Variants in PDK3 observed in about 807,000 individuals in gnomAD.
PDK3 encodes pyruvate dehydrogenase kinase 3, also known as pyruvate dehydrogenase kinase, isozyme 3.
PDK3 carries 12 observed loss-of-function variants against 32.0 expected under a neutral mutation model. The observed-to-expected ratio is 0.37, with a 90% CI of 0.24 to 0.61. The LOEUF (loss-of-function observed/expected upper bound fraction) is 0.61. PDK3 is among the 20% of genes least tolerant of loss of function. The probability of loss-of-function intolerance (pLI) is 0.65; values close to 1 mark genes in which losing one functional copy is unlikely to be tolerated. For missense variants in PDK3, 188 were observed against 316.9 expected, an observed-to-expected ratio of 0.59 and a Z score of 3.09; for synonymous variants, 122 against 116.3, an observed-to-expected ratio of 1.05 and a Z score of -0.31.
chrX:24,511,210 C>A (rs1279581042), intron 5 of PDK3, among the ~76,000 whole-genome samples: 1 of 112,363 alleles, frequency 8.9e-6, no homozygotes, highest in Middle Eastern at 4.6e-3. Flanking sequence ...TGGATGTCAG[C>A]CTCTTTTGAC....
chrX:24,473,394 CAAA>C (rs1224937648), intron 1 of PDK3, among the ~76,000 whole-genome samples: 2 of 108,840 alleles, frequency 1.8e-5, no homozygotes, highest in African/African-American at 6.7e-5. Context: ...AACAAACAAA[CAAA>C]AACAAAAAAA....
chrX:24,477,193 G>C (rs1317043827), intron 1 of PDK3, among the ~76,000 whole-genome samples: 3 of 111,938 alleles, frequency 2.7e-5, no homozygotes, highest in Non-Finnish European at 5.6e-5. Context: ...AAGTTTATCT[G>C]TATCAGTTTC....
At chrX:24,544,301 C>T (rs776785600) in exon 12 of PDK3, among the ~76,000 whole-genome samples, 1 of 111,183 alleles carries the variant, frequency 9.0e-6, no homozygotes, top group Non-Finnish European at 1.9e-5. Flanking sequence ...CACTAGTCGT[C>T]ATCCTAGCAG....
chrX:24,521,347 TATA>T (rs1451342487), intron 6 of PDK3, among the ~76,000 whole-genome samples: 1 of 109,187 alleles, frequency 9.2e-6, no homozygotes, highest in Non-Finnish European at 1.9e-5. Flanking sequence ...GTATTTCTCT[TATA>T]ATGAGATAAA....
intron 3 of PDK3, among the ~76,000 whole-genome samples, chrX:24,500,389 T>A (rs1388455642): frequency 8.9e-6 from 1 of 111,832 alleles, no homozygotes; most frequent in Non-Finnish European, 1.9e-5. Flanking sequence ...TTTGGGTATC[T>A]GCGGGGATCC....
exon 12 of PDK3, among the ~76,000 whole-genome samples, chrX:24,542,360 A>G (rs922291776): frequency 1.8e-5 from 2 of 112,170 alleles, no homozygotes; most frequent in South Asian, 3.6e-4. Flanking sequence ...GATCCTTACA[A>G]TGCCATGAGC....
intron 5 of PDK3, among the ~76,000 whole-genome samples, chrX:24,516,061 A>G (rs1470519788): frequency 8.9e-6 from 1 of 111,763 alleles, no homozygotes; most frequent in Non-Finnish European, 1.9e-5. Context: ...AAGTCAATGA[A>G]CTAAAATTTA....
At chrX:24,481,063 TGACAAA>T (rs1921243904) in intron 1 of PDK3, among the ~76,000 whole-genome samples, 1 of 109,276 alleles carries the variant, frequency 9.2e-6, no homozygotes. Context: ...TTTTTTTTTT[TGACAAA>T]GTCTTGCTCT....
rs71930419 is a variant in PDK3, at chrX:24,521,278, C to CAA, written c.673+2288_673+2289dup. Among the ~76,000 whole-genome samples, 372 of 41,953 alleles carry CAA rather than the reference C, an allele frequency of 8.9e-3. 6 individuals are homozygous for CAA. Among genetic ancestry groups the CAA allele is most frequent in the East Asian group, 0.069 (83 of 1,195 alleles). 36.4% of individuals were successfully genotyped at this position (41,953 alleles called of 115,157 possible). Reference sequence around the variant, plus strand: ...TGGGTGACAGAGCAAGACTCTGTCTCAAAAAAAAAAAAAAAAAAAAAGATA... The same window carrying CAA: ...TGGGTGACAGAGCAAGACTCTGTCTCAAAAAAAAAAAAAAAAAAAAAAAGATA... On this transcript the variant is annotated intron_variant, in intron 6 of 10. Transcript: ENST00000379162.
chrX:24,530,430 GTTA>G, intron 9 of PDK3, among the ~76,000 whole-genome samples: 1 of 111,734 alleles, frequency 8.9e-6, no homozygotes, highest in African/African-American at 3.3e-5. Context: ...TTTTATACTT[GTTA>G]TATTATTTAA....
chrX:24,490,903 A>G (rs1275863850), intron 1 of PDK3, among the ~76,000 whole-genome samples: 1 of 110,534 alleles, frequency 9.0e-6, no homozygotes, highest in Non-Finnish European at 1.9e-5. Flanking sequence ...ACCCTCAAAA[A>G]CTCATAATTG....
intron 6 of PDK3, 132 bp downstream of exon 6, chrX:24,519,142 T>C (rs1922331784): frequency 2.3e-6 from 1 of 441,477 alleles, no homozygotes; most frequent in Non-Finnish European, 3.8e-6. Context: ...TAAAACTTTC[T>C]ACGCTTTTGG....
chrX:24,541,075 A>G (rs1413651060), exon 12 of PDK3, among the ~76,000 whole-genome samples: 1 of 105,733 alleles, frequency 9.5e-6, no homozygotes, highest in Non-Finnish European at 1.9e-5. Context: ...ACGCCCAGCT[A>G]GTTTTTGTAT....
chrX:24,544,649 C>A (rs1283787720), exon 12 of PDK3, among the ~76,000 whole-genome samples: 1 of 111,977 alleles, frequency 8.9e-6, no homozygotes, highest in African/African-American at 3.2e-5. Flanking sequence ...CTGGCAAATG[C>A]AAGAACTCTT....
At chrX:24,465,926 T>C (rs1178219686) in intron 1 of PDK3, among the ~76,000 whole-genome samples, 1 of 111,731 alleles carries the variant, frequency 9.0e-6, no homozygotes, top group Admixed American at 9.4e-5. Context: ...TAGAATTTTT[T>C]TTTTTTGGTT....
At position 24,503,347 on chromosome X, in the gene PDK3, A is replaced by C. The variant is rs146331370; in HGVS notation, c.341A>C (p.Lys114Thr). The C allele has an allele frequency of 2.8e-4, 336 of 1,199,500 alleles. No individual in the cohort carries two copies. Among genetic ancestry groups the C allele is most frequent in the Non-Finnish European group, 3.6e-4 (324 of 890,168 alleles). Residue 114 changes from lysine (K) to threonine (T), a missense_variant, in exon 4 of 11, where the codon AAA (lysine) becomes ACA (threonine). Physicochemically the swap from Lys to Thr is moderately conservative, Grantham distance 78. Transcript: ENST00000379162. The part of the protein sequence containing the change: ...VLDNFLQVLI[K>T]VRNRHNDVVP... Reference sequence around the variant, plus strand: ...CACAGCTTTCTACAAGTTCTGATTAAAGTCAGAAATAGACACAATGATGTG... The same window carrying C: ...CACAGCTTTCTACAAGTTCTGATTACAGTCAGAAATAGACACAATGATGTG...
At chrX:24,490,798 A>T (rs768092852) in intron 1 of PDK3, among the ~76,000 whole-genome samples, 116 of 111,157 alleles carry the variant, frequency 1.0e-3, no homozygotes, top group African/African-American at 3.7e-3. Context: ...GCCACCTCAC[A>T]CCTGCCAGCC....
intron 1 of PDK3, among the ~76,000 whole-genome samples, chrX:24,484,071 G>A (rs1388034210): frequency 9.1e-6 from 1 of 109,677 alleles, no homozygotes; most frequent in Non-Finnish European, 1.9e-5. Context: ...GAGTGCAGTG[G>A]CACGATCTCG....
At chrX:24,492,997 C>CAAA (rs201054747) in intron 1 of PDK3, among the ~76,000 whole-genome samples, 1 of 72,380 alleles carries the variant, frequency 1.4e-5, no homozygotes, top group African/African-American at 5.2e-5. Context: ...AACACTCCGT[C>CAAA]AAAAAAAAAA....
Sources: gnomAD v4.1 joint callset for allele counts (sites outside exome capture counted in the v4.1 genomes callset) on GRCh38, gnomAD v4.1.1 for gene constraint, MANE v1.5 for transcripts, NCBI Gene and HGNC (gene_info 2026-07-23, HGNC 2026-07-21) for gene names.